Variants in NPAS2 observed in about 807,000 individuals in gnomAD.
The protein encoded by NPAS2 is neuronal PAS domain-containing protein 2.
NPAS2 carries 23 observed loss-of-function variants against 107.5 expected under a neutral mutation model. That is an observed-to-expected ratio of 0.21 (90% confidence interval 0.15 to 0.30). The LOEUF (loss-of-function observed/expected upper bound fraction) is 0.30. NPAS2 is among the 10% of genes least tolerant of loss of function. The pLI is 1.00. For synonymous variants in NPAS2, 403 were observed against 417.5 expected (o/e 0.97, Z 0.42); for missense variants, 756 against 1,043.3 (o/e 0.72, Z 3.79).
chr2:100,982,147 G>T, intron 15 of NPAS2, 84 bp from the exon 16 acceptor site: 1 of 1,513,520 alleles, frequency 6.6e-7, no homozygotes, highest in Non-Finnish European at 9.1e-7. Flanking sequence ...GAAATGAAGT[G>T]TACAGACCGA....
At chr2:100,935,152 G>T in intron 4 of NPAS2, 1 of 950,310 alleles carries the variant, frequency 1.1e-6, no homozygotes. Flanking sequence ...AGCTGGCAAA[G>T]ACTGTGGCTA....
chr2:100,820,971 T>A lies in NPAS2; in HGVS notation c.-23+557T>A. On this transcript the variant is annotated intron_variant, in intron 1 of 20. Transcript: ENST00000335681. The surrounding 1 kb of genome is among the most constrained non-coding windows in gnomAD (Gnocchi z 5.6). ...CCGTGTGCGCAGACAGCGTGCAGCCTGGCTCCTCACGTCGCTGCCGCCCCC... is the reference window on the plus strand; with the variant it reads ...CCGTGTGCGCAGACAGCGTGCAGCCAGGCTCCTCACGTCGCTGCCGCCCCC... The A allele has an allele frequency of 3.6e-6, 4 of 1,114,428 alleles. No individual in the cohort carries two copies. The highest frequency in any genetic ancestry group is 4.8e-6 in the Non-Finnish European group (4 of 831,210). 69.0% of individuals were successfully genotyped at this position (1,114,428 alleles called of 1,614,324 possible).
chr2:100,935,303 T>C (rs1266078014), intron 4 of NPAS2, among the ~76,000 whole-genome samples: 4 of 152,202 alleles, frequency 2.6e-5, no homozygotes, highest in African/African-American at 9.7e-5. Flanking sequence ...ACACAAGAAA[T>C]GTTCCATCTG....
chr2:100,871,098 G>A (rs896474026), intron 1 of NPAS2, among the ~76,000 whole-genome samples: 1 of 152,128 alleles, frequency 6.6e-6, no homozygotes, highest in Non-Finnish European at 1.5e-5. Flanking sequence ...GCAGGGGTTG[G>A]CCAACCACTG....
intron 14 of NPAS2, among the ~76,000 whole-genome samples, chr2:100,975,934 T>A (rs1291799263): frequency 7.2e-5 from 11 of 152,136 alleles, no homozygotes; most frequent in Admixed American, 2.0e-4. Flanking sequence ...AGCAGCTCAG[T>A]GTCAACAAAA....
chr2:100,963,180 T>G (rs999676491), intron 7 of NPAS2, among the ~76,000 whole-genome samples: 3 of 152,184 alleles, frequency 2.0e-5, no homozygotes, highest in Non-Finnish European at 4.4e-5. Flanking sequence ...CAGCCTGGGC[T>G]CCCAAGGGGG....
chr2:100,865,104 C>T (rs1679174026), intron 1 of NPAS2, among the ~76,000 whole-genome samples: 1 of 152,136 alleles, frequency 6.6e-6, no homozygotes, highest in African/African-American at 2.4e-5. Flanking sequence ...AATGTCTTGG[C>T]TTTATTATGA....
intron 1 of NPAS2, among the ~76,000 whole-genome samples, chr2:100,866,156 T>G (rs1415285230): frequency 6.6e-6 from 1 of 152,022 alleles, no homozygotes; most frequent in Non-Finnish European, 1.5e-5. Context: ...GGAAGTGGAG[T>G]GAGCACTGTG....
rs1231600730 is a variant in NPAS2, at chr2:100,938,909, C to T, written c.363+1067C>T. ...TTCCCCACCACCCCCGACCCCTGCT[C>T]ATCCATGGATAGGTGGCCAGTTTAT... is the stretch of plus-strand genomic sequence containing the variant. On this transcript the variant is annotated intron_variant, in intron 5 of 20. Coordinates refer to ENST00000335681, the MANE Select transcript of NPAS2 (RefSeq NM_002518.4). Among the ~76,000 whole-genome samples, 3 of 152,196 alleles carry T rather than the reference C, an allele frequency of 2.0e-5. No homozygotes were observed. In the East Asian group the frequency reaches 5.8e-4, roughly 29 times the overall value.
At chr2:100,876,502 C>T (rs905985691) in intron 1 of NPAS2, among the ~76,000 whole-genome samples, 3 of 152,172 alleles carry the variant, frequency 2.0e-5, no homozygotes, top group Non-Finnish European at 4.4e-5. Context: ...TTCCAGCTGC[C>T]CTAGGGGCCC....
chr2:100,977,927 T>C (rs1677130631), intron 15 of NPAS2, 128 bp downstream of exon 15: 2 of 736,080 alleles, frequency 2.7e-6, no homozygotes, highest in Non-Finnish European at 2.3e-6. Context: ...TCCCAATGTG[T>C]GTGTGGCCTG....
chr2:100,865,709 T>G (rs888253381), intron 1 of NPAS2, among the ~76,000 whole-genome samples: 11 of 152,156 alleles, frequency 7.2e-5, no homozygotes, highest in Non-Finnish European at 1.2e-4. Context: ...GGATCTCCAA[T>G]GCACATGCAG....
At chr2:100,918,663 C>G (rs974462723) in intron 2 of NPAS2, among the ~76,000 whole-genome samples, 1 of 152,148 alleles carries the variant, frequency 6.6e-6, no homozygotes, top group Non-Finnish European at 1.5e-5. Flanking sequence ...CTGCCATTAG[C>G]CATTAGATAC....
chr2:100,895,488 C>T (rs1681351784), intron 1 of NPAS2, among the ~76,000 whole-genome samples: 1 of 152,208 alleles, frequency 6.6e-6, no homozygotes, highest in African/African-American at 2.4e-5. Flanking sequence ...CCACCACTGC[C>T]TTTCTCCCTT....
intron 2 of NPAS2, among the ~76,000 whole-genome samples, chr2:100,911,680 G>T (rs1453601428): frequency 6.6e-6 from 1 of 150,852 alleles, no homozygotes; most frequent in Non-Finnish European, 1.5e-5. Flanking sequence ...TGCCCAGGCT[G>T]GAGTGCAGTG....
At chr2:100,979,670 C>T (rs894989423) in intron 15 of NPAS2, among the ~76,000 whole-genome samples, 1 of 151,708 alleles carries the variant, frequency 6.6e-6, no homozygotes, top group African/African-American at 2.4e-5. Context: ...TGCACCACTA[C>T]CAGGAATGCA....
chr2:100,979,503 T>TATATATATATATA (rs1491089539), intron 15 of NPAS2, among the ~76,000 whole-genome samples: 3 of 39,586 alleles, frequency 7.6e-5, no homozygotes, highest in South Asian at 1.2e-3. Context: ...TATATATATA[T>TATATATATATATA]TTTTTTTTTT....
intron 1 of NPAS2, among the ~76,000 whole-genome samples, chr2:100,875,781 A>T (rs546429995): frequency 1.3e-5 from 2 of 152,196 alleles, no homozygotes; most frequent in African/African-American, 2.4e-5. Flanking sequence ...AACGCAGAAC[A>T]ATGGCAGACG....
At chr2:100,943,738 C>A (rs540728160) in intron 5 of NPAS2, among the ~76,000 whole-genome samples, 1 of 152,214 alleles carries the variant, frequency 6.6e-6, no homozygotes, top group African/African-American at 2.4e-5. Flanking sequence ...CAGGGATGAG[C>A]AGAAACTGTA....
Sources: allele counts gnomAD v4.1 joint callset (sites outside exome capture counted in the v4.1 genomes callset), GRCh38; gene constraint gnomAD v4.1.1; non-coding constraint Gnocchi (gnomAD v3.1); transcripts MANE v1.5; gene names NCBI Gene and HGNC (gene_info 2026-07-23, HGNC 2026-07-21).